GLP2R: variants seen among roughly 807,000 people sequenced by gnomAD.
The protein encoded by GLP2R is glucagon like peptide 2 receptor, also known as glucagon-like peptide 2 receptor.
GLP2R carries 59 observed loss-of-function variants against 68.2 expected under a neutral mutation model. The observed-to-expected ratio is 0.87, with a 90% CI of 0.70 to 1.07. The LOEUF (loss-of-function observed/expected upper bound fraction) is 1.07. Ranked by LOEUF, GLP2R falls within the 50% of genes least tolerant of loss-of-function variation. The pLI, the probability that GLP2R is intolerant of heterozygous loss-of-function variation, is 0.00. For missense variants in GLP2R, 548 were observed against 677.4 expected (o/e 0.81, Z 2.12); for synonymous variants, 270 against 265.4 (o/e 1.02, Z -0.17).
chr17:9,882,274 G>T (rs1355332242), intron 11 of GLP2R, among the ~76,000 whole-genome samples: 1 of 152,166 alleles, frequency 6.6e-6, no homozygotes, highest in Non-Finnish European at 1.5e-5. Context: ...AGATACAGTG[G>T]CCGTCTTGGT....
chr17:9,879,976 G>T lies in GLP2R; in HGVS notation c.1146-402G>T, dbSNP rs113680052. ...CTGGAAATACTGATGTTGAAAGTCC[G>T]GAGTAAAGAAAGAGATAGATGAAAC... On this transcript the variant is annotated intron_variant, in intron 10 of 12. Coordinates refer to ENST00000262441, the MANE Select transcript of GLP2R (RefSeq NM_004246.3). Among the ~76,000 whole-genome samples the T allele has an allele frequency of 2.4e-3, 365 of 152,206 alleles. 1 individual carries two copies. The highest frequency in any genetic ancestry group is 8.4e-3 in the African/African-American group (348 of 41,526).
At chr17:9,855,879 T>A (rs1197691545) in intron 5 of GLP2R, among the ~76,000 whole-genome samples, 6 of 152,192 alleles carry the variant, frequency 3.9e-5, no homozygotes, top group Admixed American at 3.9e-4. Context: ...AATCATGCTT[T>A]TAGAAATCAG....
At chr17:9,883,374 A>G (rs2067213733) in intron 11 of GLP2R, among the ~76,000 whole-genome samples, 2 of 146,350 alleles carry the variant, frequency 1.4e-5, no homozygotes, top group African/African-American at 4.8e-5. Flanking sequence ...AATGCCATCA[A>G]GCATACTAAC....
chr17:9,880,137 T>C (rs1000816576), intron 10 of GLP2R, among the ~76,000 whole-genome samples: 71 of 152,134 alleles, frequency 4.7e-4, no homozygotes, highest in Non-Finnish European at 7.5e-4. Flanking sequence ...TACAGGGGAA[T>C]TTATGCATTC....
At chr17:9,854,439 G>T in intron 4 of GLP2R, 56 bp from the exon 5 acceptor site, 1 of 1,033,198 alleles carries the variant, frequency 9.7e-7, no homozygotes, top group Non-Finnish European at 1.5e-6. Context: ...GGAGCTGGGG[G>T]TTGTGGCCAT....
intron 3 of GLP2R, among the ~76,000 whole-genome samples, chr17:9,838,264 C>T (rs952056410): frequency 2.0e-5 from 3 of 152,154 alleles, no homozygotes; most frequent in African/African-American, 7.2e-5. Flanking sequence ...ATTCCCACAG[C>T]CCCCTGAGCT....
At chr17:9,873,112 G>A (rs2067110278) in intron 10 of GLP2R, among the ~76,000 whole-genome samples, 1 of 152,194 alleles carries the variant, frequency 6.6e-6, no homozygotes, top group Non-Finnish European at 1.5e-5. Context: ...CTTTCAGGGT[G>A]GAGCTTCAAA....
intron 12 of GLP2R, among the ~76,000 whole-genome samples, chr17:9,889,085 C>T (rs2067267522): frequency 6.6e-6 from 1 of 152,104 alleles, no homozygotes; most frequent in African/African-American, 2.4e-5. Context: ...GCAGGGGGCT[C>T]CTCACCTATC....
intron 3 of GLP2R, among the ~76,000 whole-genome samples, chr17:9,837,000 C>T (rs754475030): frequency 6.6e-6 from 1 of 151,988 alleles, no homozygotes; most frequent in South Asian, 2.1e-4. Flanking sequence ...CAGGCACCCA[C>T]CCCCACCACA....
chr17:9,873,957 A>G (rs2067121350), intron 10 of GLP2R, among the ~76,000 whole-genome samples: 1 of 152,090 alleles, frequency 6.6e-6, no homozygotes, highest in Non-Finnish European at 1.5e-5. Context: ...GAGTTTTCAG[A>G]CTTTTCTGAT....
At chr17:9,827,437 T>C (rs978064818) in intron 1 of GLP2R, among the ~76,000 whole-genome samples, 1 of 152,200 alleles carries the variant, frequency 6.6e-6, no homozygotes, top group Non-Finnish European at 1.5e-5. Flanking sequence ...CATTCGTCCA[T>C]GTTAGTAAAT....
At chr17:9,835,538 G>A (rs2066720008) in intron 2 of GLP2R, among the ~76,000 whole-genome samples, 1 of 152,124 alleles carries the variant, frequency 6.6e-6, no homozygotes, top group Non-Finnish European at 1.5e-5. Context: ...GGAGAGATAT[G>A]ACTATATAGT....
intron 4 of GLP2R, chr17:9,853,110 T>C: frequency 3.8e-6 from 2 of 530,338 alleles, no homozygotes; most frequent in South Asian, 3.4e-5. Flanking sequence ...ACTGCCTTCG[T>C]CATTCATTGT....
At position 9,854,507 on chromosome 17, in the gene GLP2R, G is replaced by C; in HGVS notation, c.517G>C (p.Ala173Pro). 6.2e-7 allele frequency: 1 copy of C among 1,604,338 alleles called. No homozygotes were observed. ...CCTCTGTGTTCAGGTGGATCGTTATGCCTTGCTGTCAACCTTGCAGCTGAT... is the reference window on the plus strand; with the variant it reads ...CCTCTGTGTTCAGGTGGATCGTTATCCCTTGCTGTCAACCTTGCAGCTGAT... ...HSFKQNVDRYALLSTLQLMYT... is the reference protein window; with the variant it reads ...HSFKQNVDRYPLLSTLQLMYT... The change falls in exon 5 of 13, where the codon GCC becomes CCC. Residue 173 changes from alanine (A) to proline (P), a missense_variant. By Grantham distance (27) the Ala-to-Pro change is conservative. Transcript: ENST00000262441.
intron 11 of GLP2R, among the ~76,000 whole-genome samples, chr17:9,882,038 T>TAAA (rs60129746): frequency 7.0e-5 from 8 of 113,656 alleles, no homozygotes; most frequent in African/African-American, 1.3e-4. Context: ...ACACATTAAC[T>TAAA]AAAAAAAAAA....
intron 10 of GLP2R, among the ~76,000 whole-genome samples, chr17:9,879,602 G>A (rs2067176201): frequency 6.6e-6 from 1 of 152,212 alleles, no homozygotes; most frequent in South Asian, 2.1e-4. Context: ...AGCTCTGTAA[G>A]GAATTTTAAT....
intron 9 of GLP2R, among the ~76,000 whole-genome samples, chr17:9,867,606 C>T (rs1327129250): frequency 6.6e-6 from 1 of 152,162 alleles, no homozygotes; most frequent in Non-Finnish European, 1.5e-5. Flanking sequence ...TCTCCCCAGC[C>T]CTCAGTAGAA....
chr17:9,834,385 G>C (rs1177300640), intron 2 of GLP2R, among the ~76,000 whole-genome samples: 1 of 152,106 alleles, frequency 6.6e-6, no homozygotes, highest in East Asian at 1.9e-4. Context: ...ATCTGCTGTA[G>C]ATTAGCCTGG....
intron 4 of GLP2R, chr17:9,853,333 G>T: frequency 4.9e-6 from 1 of 204,414 alleles, no homozygotes; most frequent in South Asian, 9.9e-5. Flanking sequence ...TACTTAGGTG[G>T]GAGAAAAGGT....
Sources: allele counts gnomAD v4.1 joint callset (sites outside exome capture counted in the v4.1 genomes callset), GRCh38; gene constraint gnomAD v4.1.1; transcripts MANE v1.5; gene names NCBI Gene and HGNC (gene_info 2026-07-23, HGNC 2026-07-21).